The following NR2C2 variants were observed in gnomAD, a reference collection of about 807,000 sequenced individuals.
NR2C2 encodes nuclear receptor subfamily 2 group C member 2.
NR2C2 carries 6 observed loss-of-function variants against 62.9 expected under a neutral mutation model. That is an observed-to-expected ratio of 0.10 (90% CI 0.05 to 0.19). NR2C2 has a LOEUF of 0.19. NR2C2 is among the 10% of genes least tolerant of loss of function. The pLI, the probability that NR2C2 is intolerant of heterozygous loss-of-function variation, is 1.00. For synonymous variants in NR2C2, 272 were observed against 273.8 expected, an observed-to-expected ratio of 0.99 and a Z score of 0.07; for missense variants, 479 against 762.7, an observed-to-expected ratio of 0.63 and a Z score of 4.38.
In NR2C2 at chr3:15,030,535, T is replaced by C. The variant is rs1310888295; in HGVS notation, c.1110+83T>C. The C allele has an allele frequency of 9.2e-6, 13 of 1,410,288 alleles. No homozygotes were observed. The East Asian group carries it at 3.4e-4, about 37-fold the overall frequency. The allele number at this position is 1,410,288 out of a possible 1,614,324, so 87.4% of individuals were successfully genotyped here. ...CAAAGCCGATCTGCAGTTTTAAAAA[T>C]CAAACCTTGGGGCCAGGCATAGTGG... is the stretch of plus-strand genomic sequence containing the variant. On this transcript the variant is annotated intron_variant, in intron 9 of 13. Coordinates refer to ENST00000425241, the MANE Select transcript of NR2C2 (RefSeq NM_001291694.2).
Position 14,991,004 on chromosome 3 carries a change from A to G in NR2C2, c.-39-12872A>G, listed in dbSNP as rs527900428. Among the ~76,000 whole-genome samples the G allele has an allele frequency of 1.9e-4, 29 of 152,346 alleles. No individual in the cohort carries two copies. In the South Asian group the frequency reaches 6.0e-3, roughly 32 times the overall value. Reference sequence around the variant, plus strand: ...TCTGCCTGTGAACAGTTTATGAACCATATTGCTCTTAAATATCTCATTGTT... The same window carrying G: ...TCTGCCTGTGAACAGTTTATGAACCGTATTGCTCTTAAATATCTCATTGTT... On this transcript the variant is annotated intron_variant, in intron 1 of 13. Coordinates refer to ENST00000425241, the MANE Select transcript of NR2C2 (RefSeq NM_001291694.2).
chr3:15,042,610 G>T, intron 13 of NR2C2: 1 of 423,930 alleles, frequency 2.4e-6, no homozygotes. Flanking sequence ...GAATAAACAA[G>T]AGTGAAGGGA....
At chr3:14,957,632 A>T (rs1490304078) in intron 1 of NR2C2, among the ~76,000 whole-genome samples, 1 of 152,152 alleles carries the variant, frequency 6.6e-6, no homozygotes, top group African/African-American at 2.4e-5. Flanking sequence ...CCCAGGCTGG[A>T]TATGAAATAG....
chr3:14,962,065 A>C (rs2039702522), intron 1 of NR2C2, among the ~76,000 whole-genome samples: 1 of 152,190 alleles, frequency 6.6e-6, no homozygotes, highest in Admixed American at 6.5e-5. Flanking sequence ...TATTCAGCAT[A>C]CTGTGACAGG....
chr3:15,042,846 C>T lies in NR2C2; in HGVS notation c.1629C>T (p.Ile543=), dbSNP rs1243912397. Residue 543 remains isoleucine, a synonymous_variant, in exon 14 of 14, where the codon ATC becomes ATT. Coordinates refer to ENST00000425241, the MANE Select transcript of NR2C2 (RefSeq NM_001291694.2). ...CTCCCTTTTATAGATTGGCCCGGATCCTCGTTCGCCTGCCGGCACTCAGGC... is the reference window on the plus strand; with the variant it reads ...CTCCCTTTTATAGATTGGCCCGGATTCTCGTTCGCCTGCCGGCACTCAGGC... The part of the protein sequence containing the change: ...YSEDTYRLAR[I]LVRLPALRLM... 2 of 1,613,976 alleles carry T rather than the reference C, an allele frequency of 1.2e-6. No individual in the cohort carries two copies. The highest frequency in any genetic ancestry group is 3.3e-5 in the Admixed American group (2 of 59,998).
At chr3:14,949,609 T>C (rs2039283347) in intron 1 of NR2C2, among the ~76,000 whole-genome samples, 1 of 152,202 alleles carries the variant, frequency 6.6e-6, no homozygotes, top group African/African-American at 2.4e-5. Context: ...GAAACTCACT[T>C]TACTTCCAGA....
intron 1 of NR2C2, chr3:14,959,565 AAG>A (rs1217158154): frequency 3.3e-5 from 5 of 151,978 alleles, no homozygotes; most frequent in Admixed American, 3.3e-4. Flanking sequence ...GTTCATTTTT[AAG>A]CAGCTTCCAA....
chr3:15,013,755 C>G lies in NR2C2; in HGVS notation c.239C>G (p.Thr80Ser), dbSNP rs748535345. 94 of 1,614,106 alleles carry G rather than the reference C, an allele frequency of 5.8e-5. No individual in the cohort carries two copies. The highest frequency in any genetic ancestry group is 7.7e-5 in the Non-Finnish European group (91 of 1,180,038). The change falls in exon 3 of 14, where the codon ACC (threonine) becomes AGC (serine). Residue 80 changes from threonine to serine, a missense_variant. Thr to Ser is a moderately conservative substitution (Grantham distance 58). Coordinates refer to ENST00000425241, the MANE Select transcript of NR2C2 (RefSeq NM_001291694.2). ...TCCAGCGCCAAGCAACTCATATTCA[C>G]CACCTCAGACAACCTCGTCCCTGGC... ...ETSSAKQLIF[T>S]TSDNLVPGRI...
chr3:14,988,530 C>T (rs905373674), intron 1 of NR2C2, among the ~76,000 whole-genome samples: 1 of 152,214 alleles, frequency 6.6e-6, no homozygotes, highest in Admixed American at 6.5e-5. Context: ...GATGAAGGAC[C>T]AGATCTCTTG....
chr3:14,952,440 T>C (rs1403806370), intron 1 of NR2C2, among the ~76,000 whole-genome samples: 7 of 152,152 alleles, frequency 4.6e-5, no homozygotes, highest in Non-Finnish European at 8.8e-5. Context: ...CCATCTCCTG[T>C]ACAAGTATCA....
At chr3:15,024,363 T>G (rs1316665932) in intron 7 of NR2C2, among the ~76,000 whole-genome samples, 155 bp downstream of exon 7, 4 of 152,250 alleles carry the variant, frequency 2.6e-5, no homozygotes, top group Admixed American at 6.5e-5. Context: ...AGCTATCTTG[T>G]GATTTGTTTT....
rs533538010 is a variant in NR2C2 at position 14,976,602 on chromosome 3, C to CTTTTTTTTTT, written c.-39-27261_-39-27252dup. 4.3e-3 allele frequency among the ~76,000 whole-genome samples: 386 copies of CTTTTTTTTTT among 90,686 alleles called. 20 individuals carry two copies. The highest frequency in any genetic ancestry group is 9.5e-3 in the African/African-American group (188 of 19,694). The allele number at this position is 90,686 out of a possible 152,430, so 59.5% of individuals were successfully genotyped here. ...TTCTTGAGTCTGTCTTCCTTCCTTC[C>CTTTTTTTTTT]TTTTTTTTTTTTTTTTTTTTTTGAT... On this transcript the variant is annotated intron_variant, in intron 1 of 13. Transcript: ENST00000425241.
rs546978723 is a variant in NR2C2 at position 14,968,993 on chromosome 3, G to T, written c.-40+21087G>T. The stretch of plus-strand genomic sequence containing the variant: ...ACACTCTGGGGACTGTTGTGGGGTG[G>T]GGGGAGGGGGGAGGGATAGCATTGG... On this transcript the variant is annotated intron_variant, in intron 1 of 13. Transcript: ENST00000425241. 2.9e-3 allele frequency among the ~76,000 whole-genome samples: 360 copies of T among 126,004 alleles called. 1 individual carries two copies. Among genetic ancestry groups the T allele is most frequent in the Non-Finnish European group, 4.8e-3 (287 of 60,126 alleles). 82.7% of individuals were successfully genotyped at this position (126,004 alleles called of 152,430 possible).
At chr3:15,028,297 T>C (rs1376503446) in intron 7 of NR2C2, among the ~76,000 whole-genome samples, 2 of 152,272 alleles carry the variant, frequency 1.3e-5, no homozygotes, top group Non-Finnish European at 2.9e-5. Context: ...TTTTGTTTTA[T>C]GGGCTTTTAC....
intron 1 of NR2C2, among the ~76,000 whole-genome samples, chr3:15,002,301 G>T (rs1276946090): frequency 6.6e-6 from 1 of 152,020 alleles, no homozygotes; most frequent in African/African-American, 2.4e-5. Flanking sequence ...GTTAGATTTT[G>T]TCAAATGCTT....
At chr3:15,006,614 G>A (rs774962674) in intron 2 of NR2C2, among the ~76,000 whole-genome samples, 2 of 152,002 alleles carry the variant, frequency 1.3e-5, no homozygotes, top group Non-Finnish European at 2.9e-5. Context: ...CAGCAGGGCC[G>A]TTCCACCTCC....
intron 1 of NR2C2, among the ~76,000 whole-genome samples, chr3:14,963,112 A>G (rs919338206): frequency 6.6e-6 from 1 of 152,220 alleles, no homozygotes; most frequent in Admixed American, 6.5e-5. Context: ...TGGGGAGAGC[A>G]TCCTAAGTCA....
Position 15,032,510 on chromosome 3 carries a change from C to G in NR2C2, c.1232+10C>G, listed in dbSNP as rs920932420. On this transcript the variant is annotated intron_variant, in intron 10 of 13. Coordinates refer to ENST00000425241, the MANE Select transcript of NR2C2 (RefSeq NM_001291694.2). ...CCTTTCAGGCACTTGGGTAAGTGGC[C>G]TCTTGCTGTGCATGTATCCTCGGGC... The G allele has an allele frequency of 1.2e-6, 2 of 1,614,078 alleles. No homozygotes were observed. The highest frequency in any genetic ancestry group is 1.3e-5 in the African/African-American group (1 of 74,922).
intron 1 of NR2C2, among the ~76,000 whole-genome samples, chr3:14,995,527 G>A (rs1559552584): frequency 6.6e-6 from 1 of 151,882 alleles, no homozygotes; most frequent in African/African-American, 2.4e-5. Flanking sequence ...TTTCATTATT[G>A]CCAAATAATA....
Sources: gnomAD v4.1 joint callset for allele counts (sites outside exome capture counted in the v4.1 genomes callset) on GRCh38, gnomAD v4.1.1 for gene constraint, MANE v1.5 for transcripts, NCBI Gene and HGNC (gene_info 2026-07-23, HGNC 2026-07-21) for gene names.